SAFB2: variants seen among roughly 807,000 people sequenced by gnomAD.
SAFB2 encodes scaffold attachment factor B2.
In SAFB2, 32 loss-of-function variants were observed where a neutral mutation model predicts 100.6. That is an observed-to-expected ratio of 0.32 (90% CI 0.24 to 0.43). The LOEUF (loss-of-function observed/expected upper bound fraction) is 0.43, where lower values mean the gene tolerates loss of function less well. Ranked by LOEUF, SAFB2 falls within the 20% of genes least tolerant of loss-of-function variation. The probability of loss-of-function intolerance (pLI) is 1.00; values close to 1 mark genes in which losing one functional copy is unlikely to be tolerated. For synonymous variants in SAFB2, 500 were observed against 439.4 expected (o/e 1.14, Z -1.72); for missense variants, 1,185 against 1,163.4 (o/e 1.02, Z -0.27).
chr19:5,617,274 T>C (rs2053053301), intron 2 of SAFB2, among the ~76,000 whole-genome samples: 1 of 152,138 alleles, frequency 6.6e-6, no homozygotes, highest in African/African-American at 2.4e-5. Context: ...AAGAACTTTT[T>C]TTTTTCCCCC....
intron 1 of SAFB2, 129 bp from the exon 2 acceptor site, chr19:5,621,525 T>A (rs924823492): frequency 8.5e-6 from 6 of 708,232 alleles, no homozygotes; most frequent in Non-Finnish European, 1.5e-5. Flanking sequence ...GGGTCAGCTA[T>A]CTGGGCCGCA....
intron 4 of SAFB2, among the ~76,000 whole-genome samples, chr19:5,614,713 C>T (rs534905578): frequency 3.3e-5 from 5 of 152,342 alleles, no homozygotes; most frequent in Middle Eastern, 3.4e-3. Context: ...CTCGAAGACA[C>T]TGACAGCTTG....
At chr19:5,594,296 C>T in intron 14 of SAFB2, 118 bp from the exon 15 acceptor site, 1 of 1,284,348 alleles carries the variant, frequency 7.8e-7, no homozygotes, top group Non-Finnish European at 1.0e-6. Flanking sequence ...CAAAAGCTCA[C>T]CGGGCTTCCC....
At position 5,613,695 on chromosome 19, in the gene SAFB2, A is replaced by G. The variant is rs2052960164; in HGVS notation, c.544-168T>C. The G allele has an allele frequency of 3.0e-6, 3 of 985,426 alleles. No homozygotes were observed. The South Asian group carries it at 1.4e-4, about 46-fold the overall frequency. 61.0% of individuals were successfully genotyped at this position (985,426 alleles called of 1,614,324 possible). ...AGCACCTGCCTCTCCGCCAGAACAC[A>G]CACTCCACGACTCTGCTCCACCAGC... On this transcript the variant is annotated intron_variant, in intron 4 of 20. Coordinates refer to ENST00000252542, the MANE Select transcript of SAFB2 (RefSeq NM_014649.3).
intron 15 of SAFB2, chr19:5,593,602 G>C: frequency 2.6e-6 from 1 of 384,686 alleles, no homozygotes; most frequent in African/African-American, 2.1e-5. Context: ...ATGCTCCACG[G>C]GTAAGTGGAG....
At position 5,616,343 on chromosome 19, in the gene SAFB2, G is replaced by C. The variant is rs2053029921; in HGVS notation, c.340-8C>G. ...ACTTGCTTCCATGTCCTCCTGTAAA[G>C]AGGAAGAAGAATCGTTAACGACCAC... On this transcript the variant is annotated splice_polypyrimidine_tract_variant and splice_region_variant and intron_variant, in intron 3 of 20. Transcript: ENST00000252542. 2 of 1,614,112 alleles carry C rather than the reference G, an allele frequency of 1.2e-6. No homozygotes were observed. Among genetic ancestry groups the C allele is most frequent in the Non-Finnish European group, 8.5e-7 (1 of 1,180,020 alleles).
At position 5,590,260 on chromosome 19, in the gene SAFB2, TG is replaced by T. The variant is rs1322239297; in HGVS notation, c.2525+17del. The T allele has an allele frequency of 1.3e-6, 2 of 1,542,678 alleles. No homozygotes were observed. Among genetic ancestry groups the T allele is most frequent in the Admixed American group, 3.8e-5 (2 of 52,490 alleles). On this transcript the variant is annotated intron_variant, in intron 18 of 20. Transcript: ENST00000252542. ...TTAGGACAGATGCTCCCCACCCGGC[TG>T]GGGCTCACCCACTAACCTGGGGGGA...
Position 5,587,827 on chromosome 19 carries a change from G to C in SAFB2, c.2638+41C>G. 1.9e-6 allele frequency: 3 copies of C among 1,579,388 alleles called. No individual in the cohort carries two copies. The highest frequency in any genetic ancestry group is 2.6e-6 in the Non-Finnish European group (3 of 1,161,542). On this transcript the variant is annotated intron_variant, in intron 19 of 20. Transcript: ENST00000252542. This position sits in a 1 kb window ranked among gnomAD's most constrained non-coding sequence, Gnocchi z 4.9. ...CCTGGGGAAGCCCCTGGACACATGT[G>C]GGGGCCACAGCCACCCTCGTCCCTG...
rs759060574 is a variant in SAFB2, at chr19:5,595,511, C to T, written c.1783-14G>A. The T allele has an allele frequency of 1.2e-5, 19 of 1,612,340 alleles. No homozygotes were observed. The African/African-American group carries it at 2.3e-4, about 19-fold the overall frequency. On this transcript the variant is annotated splice_polypyrimidine_tract_variant and intron_variant, in intron 13 of 20. Coordinates refer to ENST00000252542, the MANE Select transcript of SAFB2 (RefSeq NM_014649.3). ...ACTCTTGGAGCTCTGTTTACCAAAA[C>T]TGGTTTATTAATGTCAGGAAAATGA...
chr19:5,587,544 A>G lies in SAFB2; in HGVS notation c.2706-145T>C. 1.4e-6 allele frequency: 2 copies of G among 1,464,642 alleles called. No homozygotes were observed. The highest frequency in any genetic ancestry group is 1.8e-6 in the Non-Finnish European group (2 of 1,101,892). 90.7% of individuals were successfully genotyped at this position (1,464,642 alleles called of 1,614,324 possible). On this transcript the variant is annotated intron_variant, in intron 20 of 20. Transcript: ENST00000252542. This position sits in a 1 kb window ranked among gnomAD's most constrained non-coding sequence, Gnocchi z 4.9. ...AAATCATCATCGCACATTGTATTCC[A>G]GGTAACTCAAGAGCGTTATTTGCAT...
At chr19:5,594,963 C>T (rs2052504726) in intron 14 of SAFB2, among the ~76,000 whole-genome samples, 1 of 152,190 alleles carries the variant, frequency 6.6e-6, no homozygotes, top group African/African-American at 2.4e-5. Flanking sequence ...ATCCTCCCAC[C>T]TCAACCTCCT....
intron 14 of SAFB2, among the ~76,000 whole-genome samples, chr19:5,594,997 C>T (rs1157021694): frequency 1.3e-5 from 2 of 152,154 alleles, no homozygotes; most frequent in East Asian, 1.9e-4. Context: ...TACAAGTGCA[C>T]GCCACCATGC....
chr19:5,605,975 C>T (rs761880069), intron 9 of SAFB2, among the ~76,000 whole-genome samples: 28 of 152,168 alleles, frequency 1.8e-4, no homozygotes, highest in Non-Finnish European at 3.8e-4. Flanking sequence ...TTCCTCCCAC[C>T]CAGTGCACAC....
chr19:5,602,373 G>A (rs1475983468), intron 11 of SAFB2, among the ~76,000 whole-genome samples: 2 of 151,304 alleles, frequency 1.3e-5, no homozygotes, highest in Non-Finnish European at 2.9e-5. Context: ...CCAGCTACTC[G>A]GGAGGCTGAG....
At chr19:5,614,886 C>A (rs1722527651) in intron 4 of SAFB2, among the ~76,000 whole-genome samples, 10 of 152,184 alleles carry the variant, frequency 6.6e-5, no homozygotes, top group Admixed American at 6.5e-4. Flanking sequence ...TACTTTACAT[C>A]TTTTAATGTA....
chr19:5,608,778 G>A (rs373703338), intron 9 of SAFB2, among the ~76,000 whole-genome samples: 20 of 152,246 alleles, frequency 1.3e-4, no homozygotes, highest in Non-Finnish European at 2.8e-4. Context: ...GGCTAGGCGC[G>A]GTGGCTCACG....
At chr19:5,620,597 T>C (rs1414073656) in intron 2 of SAFB2, among the ~76,000 whole-genome samples, 1 of 152,262 alleles carries the variant, frequency 6.6e-6, no homozygotes. Flanking sequence ...TACAATTCCA[T>C]CTACATGAAA....
Position 5,587,273 on chromosome 19 carries a change from G to A in SAFB2, c.2832C>T (p.Pro944=), listed in dbSNP as rs200242558. ...SRVPHPHPHP[P]PYPHFTRRY is the part of the protein sequence containing the mutation. Reference sequence around the variant, plus strand: ...AGCGGCGGGTGAAGTGGGGGTACGGGGGGGGATGAGGGTGTGGGTGAGGGA... The same window carrying A: ...AGCGGCGGGTGAAGTGGGGGTACGGAGGGGGATGAGGGTGTGGGTGAGGGA... The change falls in exon 21 of 21, where the codon CCC becomes CCT. Residue 944 remains proline, a synonymous_variant. Coordinates refer to ENST00000252542, the MANE Select transcript of SAFB2 (RefSeq NM_014649.3). This position sits in a 1 kb window ranked among gnomAD's most constrained non-coding sequence, Gnocchi z 4.9. 2.2e-5 allele frequency: 36 copies of A among 1,613,174 alleles called. No individual in the cohort carries two copies. The East Asian group carries it at 6.5e-4, about 29-fold the overall frequency.
In SAFB2 at chr19:5,592,752, G is replaced by A. The variant is rs371347316; in HGVS notation, c.2343C>T (p.Ile781=). 57 of 1,613,974 alleles carry A rather than the reference G, an allele frequency of 3.5e-5. No individual in the cohort carries two copies. Among genetic ancestry groups the A allele is most frequent in the South Asian group, 1.8e-4 (16 of 91,068 alleles). ...RDRGQYQDHA[I]DRREGSRPMM... ...GAGGGGACAAGACCACTGACCTGTC[G>A]ATGGCGTGGTCCTGGTACTGGCCCC... The change falls in exon 16 of 21, where the codon ATC becomes ATT. Residue 781 remains isoleucine (I), a synonymous_variant. Transcript: ENST00000252542.
Sources: allele counts gnomAD v4.1 joint callset (sites outside exome capture counted in the v4.1 genomes callset), GRCh38; gene constraint gnomAD v4.1.1; non-coding constraint Gnocchi (gnomAD v3.1); transcripts MANE v1.5; gene names NCBI Gene and HGNC (gene_info 2026-07-23, HGNC 2026-07-21).